The following ACAA2 variants were observed in gnomAD, a reference collection of about 807,000 sequenced individuals.
The protein encoded by ACAA2 is acetyl-CoA acyltransferase 2.
Under a neutral mutation model 44.8 loss-of-function variants are expected in ACAA2, and 35 were observed. The observed-to-expected ratio is 0.78, with a 90% confidence interval of 0.60 to 1.04. The LOEUF is 1.04. Ranked by LOEUF, ACAA2 falls within the 50% of genes least tolerant of loss-of-function variation. The probability of loss-of-function intolerance (pLI) is 0.00; values close to 1 mark genes in which losing one functional copy is unlikely to be tolerated. For missense variants in ACAA2, 468 were observed against 482.6 expected, an observed-to-expected ratio of 0.97 and a Z score of 0.28; for synonymous variants, 142 against 166.5, an observed-to-expected ratio of 0.85 and a Z score of 1.13.
intron 6 of ACAA2, 100 bp downstream of exon 6, chr18:49,792,051 CA>C (rs1224136843): frequency 3.2e-6 from 3 of 925,326 alleles, no homozygotes; most frequent in African/African-American, 3.3e-5. Context: ...TTAAGCTAAA[CA>C]ACTAAAGACT....
intron 1 of ACAA2, among the ~76,000 whole-genome samples, chr18:49,811,160 A>T (rs1437882774): frequency 6.6e-6 from 1 of 152,070 alleles, no homozygotes; most frequent in East Asian, 1.9e-4. Context: ...AGACCTATTA[A>T]CCCAGAGTGT....
chr18:49,786,021 A>T (rs1462843368), intron 8 of ACAA2: 1 of 149,962 alleles, frequency 6.7e-6, no homozygotes, highest in Admixed American at 6.6e-5. Context: ...CAATTACCTT[A>T]CTTCAAGTTT....
rs765415172 is a variant in ACAA2, at chr18:49,802,728, G to T, written c.142C>A (p.Pro48Thr). The change falls in exon 2 of 10, where the codon CCT becomes ACT. Residue 48 changes from proline to threonine, a missense_variant. Coordinates refer to ENST00000285093, the MANE Select transcript of ACAA2 (RefSeq NM_006111.3). Reference protein sequence around the residue: ...KAALSAGKVSPETVDSVIMGN... With the variant: ...KAALSAGKVSTETVDSVIMGN... Reference sequence around the variant, plus strand: ...ATAATCACACTGTCAACTGTTTCAGGTGAGACTTTGCCAGCAGACAAGGCA... The same window carrying T: ...ATAATCACACTGTCAACTGTTTCAGTTGAGACTTTGCCAGCAGACAAGGCA... The T allele has an allele frequency of 1.1e-5, 18 of 1,613,952 alleles. No individual in the cohort carries two copies. The highest frequency in any genetic ancestry group is 1.4e-5 in the Non-Finnish European group (17 of 1,180,026).
Position 49,806,460 on chromosome 18 carries a change from G to A in ACAA2, c.17-3607C>T, listed in dbSNP as rs542535507. ...TACAAGGGGAGACATAGTTTATCAC[G>A]GGGGTGCATGGGGGTGATTTTGTAG... On this transcript the variant is annotated intron_variant, in intron 1 of 9. Coordinates refer to ENST00000285093, the MANE Select transcript of ACAA2 (RefSeq NM_006111.3). 9.2e-5 allele frequency among the ~76,000 whole-genome samples: 14 copies of A among 152,284 alleles called. No homozygotes were observed. The South Asian group carries it at 2.7e-3, about 29-fold the overall frequency.
chr18:49,811,739 T>C (rs542551931), intron 1 of ACAA2, among the ~76,000 whole-genome samples: 12 of 152,300 alleles, frequency 7.9e-5, no homozygotes, highest in African/African-American at 2.6e-4. Flanking sequence ...AGCCACTAAC[T>C]ACCTGTGTTA....
chr18:49,787,803 G>A (rs1598790807), intron 7 of ACAA2, among the ~76,000 whole-genome samples: 1 of 152,200 alleles, frequency 6.6e-6, no homozygotes. Flanking sequence ...TTTTAGTTAT[G>A]TTAATAGATT....
rs1473076273 is a variant in ACAA2, at chr18:49,794,218, G to T, written c.577+62C>A. ...AATATTATATAACCATAATAGAAAT[G>T]ATGAAAATATTTCCTATAGATATTT... On this transcript the variant is annotated intron_variant, in intron 5 of 9. Coordinates refer to ENST00000285093, the MANE Select transcript of ACAA2 (RefSeq NM_006111.3). 3.3e-6 allele frequency: 4 copies of T among 1,220,338 alleles called. No individual in the cohort carries two copies. In the East Asian group the frequency reaches 8.4e-5, roughly 26 times the overall value. 75.6% of individuals were successfully genotyped at this position (1,220,338 alleles called of 1,614,324 possible). A position where few individuals can be genotyped will look rare whatever the true frequency, so the allele number is the denominator to read the frequency against.
intron 1 of ACAA2, among the ~76,000 whole-genome samples, chr18:49,809,186 A>T (rs190388359): frequency 1.4e-3 from 220 of 152,312 alleles, no homozygotes; most frequent in African/African-American, 5.1e-3. Flanking sequence ...CCTTATGGTT[A>T]TCTTCCCTTG....
At chr18:49,787,234 AAAAGTACATGG>A (rs1252949274) in intron 8 of ACAA2, 46 bp downstream of exon 8, 10 of 1,326,162 alleles carry the variant, frequency 7.5e-6, no homozygotes, top group Non-Finnish European at 9.9e-6. Flanking sequence ...TTTATGCTAT[AAAAGTACATGG>A]TTTATTCATG....
chr18:49,806,060 C>A (rs1453434727), intron 1 of ACAA2, among the ~76,000 whole-genome samples: 2 of 152,124 alleles, frequency 1.3e-5, no homozygotes, highest in Non-Finnish European at 2.9e-5. Flanking sequence ...ACCTGACGGT[C>A]TTGGAAATGA....
intron 9 of ACAA2, among the ~76,000 whole-genome samples, chr18:49,784,639 A>G (rs2143942679): frequency 6.6e-6 from 1 of 152,184 alleles, no homozygotes; most frequent in Admixed American, 6.5e-5. Context: ...TTTGTTTGCA[A>G]TTTTTCTACA....
intron 2 of ACAA2, among the ~76,000 whole-genome samples, chr18:49,798,119 T>C: frequency 6.6e-6 from 1 of 152,202 alleles, no homozygotes. Flanking sequence ...GGAAGCTTTA[T>C]TAACATACTC....
In ACAA2 at chr18:49,795,816, G is replaced by A. The variant is rs781459703; in HGVS notation, c.378C>T (p.Pro126=). The A allele has an allele frequency of 1.2e-6, 2 of 1,611,818 alleles. No homozygotes were observed. The highest frequency in any genetic ancestry group is 2.7e-5 in the African/African-American group (2 of 74,834). Residue 126 remains proline, a synonymous_variant, in exon 4 of 10, where the codon CCC becomes CCT. Transcript: ENST00000285093. ...CAAAACGCACATTTCTGACACAGTAGGGAGCTTGGCTCATGCTTTCGGTTC... is the reference window on the plus strand; with the variant it reads ...CAAAACGCACATTTCTGACACAGTAAGGAGCTTGGCTCATGCTTTCGGTTC... ...CGGTESMSQA[P]YCVRNVRFGT...
At chr18:49,793,978 G>A (rs1056975032) in intron 5 of ACAA2, among the ~76,000 whole-genome samples, 2 of 152,098 alleles carry the variant, frequency 1.3e-5, no homozygotes, top group African/African-American at 2.4e-5. Context: ...AGAACGTATC[G>A]TATTCCTCAT....
chr18:49,785,509 TC>T, intron 8 of ACAA2, 158 bp from the exon 9 acceptor site: 2 of 714,472 alleles, frequency 2.8e-6, no homozygotes, highest in Non-Finnish European at 4.6e-6. Context: ...CATAAAGCTA[TC>T]AGGTTTAAAA....
At chr18:49,794,894 G>A (rs1276702514) in intron 4 of ACAA2, among the ~76,000 whole-genome samples, 4 of 152,046 alleles carry the variant, frequency 2.6e-5, no homozygotes, top group Admixed American at 2.0e-4. Flanking sequence ...TGGTTCTATC[G>A]GTTACTATGA....
At chr18:49,795,684 C>T in intron 4 of ACAA2, 81 bp downstream of exon 4, 1 of 778,258 alleles carries the variant, frequency 1.3e-6, no homozygotes, top group Admixed American at 3.3e-5. Flanking sequence ...TTAGTTTTCT[C>T]TCCCATAAAA....
intron 4 of ACAA2, 134 bp downstream of exon 4, chr18:49,795,631 A>G: frequency 1.9e-6 from 1 of 528,952 alleles, no homozygotes; most frequent in Non-Finnish European, 3.4e-6. Context: ...ACTTCTAATC[A>G]TTCATATCTT....
chr18:49,793,490 C>T (rs2023429933), intron 5 of ACAA2, among the ~76,000 whole-genome samples: 1 of 152,166 alleles, frequency 6.6e-6, no homozygotes, highest in Non-Finnish European at 1.5e-5. Flanking sequence ...TAACTCTTGA[C>T]TTCTAGACCA....
Sources: gnomAD v4.1 joint callset for allele counts (sites outside exome capture counted in the v4.1 genomes callset) on GRCh38, gnomAD v4.1.1 for gene constraint, MANE v1.5 for transcripts, NCBI Gene and HGNC (gene_info 2026-07-23, HGNC 2026-07-21) for gene names.